The following TAOK1 variants were observed in gnomAD, a reference collection of about 807,000 sequenced individuals.
TAOK1 encodes serine/threonine-protein kinase TAO1.
Under a neutral mutation model 138.3 loss-of-function variants are expected in TAOK1, and 21 were observed. The ratio of observed to expected loss-of-function variants is 0.15; its 90% confidence interval spans 0.11 to 0.22. The LOEUF (loss-of-function observed/expected upper bound fraction) is 0.22, where lower values mean the gene tolerates loss of function less well. Ranked by LOEUF, TAOK1 falls within the 10% of genes least tolerant of loss-of-function variation. The probability of loss-of-function intolerance (pLI) is 1.00; values close to 1 mark genes in which losing one functional copy is unlikely to be tolerated. For synonymous variants in TAOK1, 361 were observed against 398.4 expected (o/e 0.91, Z 1.12); for missense variants, 651 against 1,227.7 (o/e 0.53, Z 7.02).
chr17:29,469,377 G>A (rs975199220), intron 3 of TAOK1, among the ~76,000 whole-genome samples: 1 of 151,926 alleles, frequency 6.6e-6, no homozygotes, highest in Non-Finnish European at 1.5e-5. Flanking sequence ...CATTTCAGTG[G>A]AATTAAGTGC....
At chr17:29,509,206 G>T (rs1598514190) in intron 14 of TAOK1, among the ~76,000 whole-genome samples, 1 of 151,834 alleles carries the variant, frequency 6.6e-6, no homozygotes, top group Middle Eastern at 3.4e-3. Context: ...ATCTCCCTCT[G>T]TCGCCCAGGC....
intron 2 of TAOK1, among the ~76,000 whole-genome samples, chr17:29,462,773 C>T (rs894340089): frequency 6.6e-6 from 1 of 152,128 alleles, no homozygotes; most frequent in Non-Finnish European, 1.5e-5. Flanking sequence ...CAGACAATTT[C>T]CTAGTTTGAA....
At chr17:29,478,192 A>G in intron 5 of TAOK1, 59 bp from the exon 6 acceptor site, 1 of 1,273,504 alleles carries the variant, frequency 7.9e-7, no homozygotes, top group Non-Finnish European at 1.1e-6. Context: ...CATGTATTAG[A>G]TATGTATTTT....
chr17:29,479,154 A>G (rs568853130), intron 6 of TAOK1, among the ~76,000 whole-genome samples: 1 of 152,150 alleles, frequency 6.6e-6, no homozygotes, highest in Non-Finnish European at 1.5e-5. Flanking sequence ...TCAAAAAAAA[A>G]AAAAAACAGA....
intron 1 of TAOK1, among the ~76,000 whole-genome samples, chr17:29,435,028 G>T (rs373491415): frequency 6.6e-6 from 1 of 152,178 alleles, no homozygotes; most frequent in African/African-American, 2.4e-5. Context: ...TTGGGTGCAT[G>T]GTGCTTGGCT....
chr17:29,467,067 T>C, intron 2 of TAOK1, 78 bp from the exon 3 acceptor site: 2 of 1,132,388 alleles, frequency 1.8e-6, no homozygotes, highest in Non-Finnish European at 2.5e-6. Flanking sequence ...TACAAATGCT[T>C]TTATATTCGC....
intron 2 of TAOK1, among the ~76,000 whole-genome samples, chr17:29,452,993 G>C (rs925292351): frequency 6.6e-6 from 1 of 152,066 alleles, no homozygotes; most frequent in African/African-American, 2.4e-5. Context: ...TATGTACCTA[G>C]GAGTGGATTT....
intron 1 of TAOK1, among the ~76,000 whole-genome samples, chr17:29,406,932 T>C (rs1476596962): frequency 6.6e-6 from 1 of 152,200 alleles, no homozygotes; most frequent in African/African-American, 2.4e-5. Context: ...ATATGAAGTG[T>C]AAGCCTGTTG....
chr17:29,471,648 T>C (rs921702237), intron 3 of TAOK1, among the ~76,000 whole-genome samples: 3 of 152,178 alleles, frequency 2.0e-5, no homozygotes, highest in Non-Finnish European at 2.9e-5. Context: ...TTTTTGCTGG[T>C]TGAGAATCTT....
chr17:29,516,756 C>T (rs1348824449), intron 15 of TAOK1, among the ~76,000 whole-genome samples: 1 of 152,130 alleles, frequency 6.6e-6, no homozygotes, highest in East Asian at 1.9e-4. Context: ...CTGCCTCAGC[C>T]TCCCAAAGTG....
At chr17:29,411,088 G>GTTTTTT (rs71138814) in intron 1 of TAOK1, among the ~76,000 whole-genome samples, 11 of 94,090 alleles carry the variant, frequency 1.2e-4, no homozygotes, top group South Asian at 3.8e-4. Context: ...TCTTTTTACT[G>GTTTTTT]TTTTTTTTTT....
At chr17:29,504,065 A>G (rs1308705221) in intron 13 of TAOK1, among the ~76,000 whole-genome samples, 1 of 150,532 alleles carries the variant, frequency 6.6e-6, no homozygotes, top group Non-Finnish European at 1.5e-5. Flanking sequence ...TAGCTGAGAT[A>G]GTCCCTCTGC....
intron 18 of TAOK1, among the ~76,000 whole-genome samples, chr17:29,532,910 T>C (rs1165676408): frequency 1.1e-3 from 119 of 111,462 alleles, no homozygotes; most frequent in Middle Eastern, 6.6e-3. Flanking sequence ...CCTCACCTCC[T>C]AGACGGGGCG....
chr17:29,455,896 C>G (rs544146912), intron 2 of TAOK1, among the ~76,000 whole-genome samples: 1 of 150,074 alleles, frequency 6.7e-6, no homozygotes, highest in South Asian at 2.1e-4. Context: ...ATTTTTCATT[C>G]CACATTTGTA....
rs541273933 is a variant in TAOK1 at position 29,396,759 on chromosome 17, A to G, written c.-95+5735A>G. 1.8e-3 allele frequency among the ~76,000 whole-genome samples: 268 copies of G among 148,414 alleles called. 3 individuals are homozygous for G. Among genetic ancestry groups the G allele is most frequent in the Middle Eastern group, 3.6e-3 (1 of 278 alleles). ...ACGCCTGTAATCCTAGCACTTTGGG[A>G]GACCGTAGATCACTTTAGGTCAGGA... is the stretch of plus-strand genomic sequence containing the variant. On this transcript the variant is annotated intron_variant, in intron 1 of 19. Transcript: ENST00000261716.
chr17:29,537,141 A>C (rs947088331), intron 19 of TAOK1, among the ~76,000 whole-genome samples: 2 of 152,232 alleles, frequency 1.3e-5, no homozygotes, highest in Non-Finnish European at 2.9e-5. Context: ...GTATGGTTAT[A>C]ATTTTAGCTC....
chr17:29,507,820 T>C (rs1485487271), intron 13 of TAOK1, 76 bp from the exon 14 acceptor site: 13 of 1,316,292 alleles, frequency 9.9e-6, no homozygotes, highest in Non-Finnish European at 1.4e-5. Context: ...ACTTAGTTAA[T>C]ATAGAATTGT....
intron 1 of TAOK1, among the ~76,000 whole-genome samples, chr17:29,396,478 G>A (rs1468089309): frequency 6.6e-6 from 1 of 152,126 alleles, no homozygotes; most frequent in Non-Finnish European, 1.5e-5. Flanking sequence ...TAAATATAAT[G>A]GCACTTAATT....
At chr17:29,487,644 T>G (rs565330301) in intron 8 of TAOK1, among the ~76,000 whole-genome samples, 405 of 152,170 alleles carry the variant, frequency 2.7e-3, no homozygotes, top group Non-Finnish European at 4.4e-3. Flanking sequence ...TGGGGCCATG[T>G]CCAAAAGACA....
Sources: allele counts gnomAD v4.1 joint callset (sites outside exome capture counted in the v4.1 genomes callset), GRCh38; gene constraint gnomAD v4.1.1; transcripts MANE v1.5; gene names NCBI Gene and HGNC (gene_info 2026-07-23, HGNC 2026-07-21).